SPATA7: variants seen among roughly 807,000 people sequenced by gnomAD.
SPATA7 encodes the protein spermatogenesis-associated protein 7.
Under a neutral mutation model 51.8 loss-of-function variants are expected in SPATA7, and 43 were observed. The observed-to-expected ratio is 0.83, with a 90% confidence interval of 0.65 to 1.07. SPATA7 has a LOEUF of 1.07. Among genes scored for constraint, SPATA7 ranks in the 50% least tolerant of loss-of-function variants. The pLI is 0.00. For synonymous variants in SPATA7, 230 were observed against 252.8 expected (o/e 0.91, Z 0.86); for missense variants, 683 against 701.3 (o/e 0.97, Z 0.30).
At chr14:88,431,756 G>A (rs28712069) in intron 9 of SPATA7, among the ~76,000 whole-genome samples, 15,724 of 152,088 alleles carry the variant, frequency 0.1, 1,033 homozygotes, top group African/African-American at 0.18. Context: ...ATCCATCCAT[G>A]TTCCATCCAT....
rs541307990 is a variant in SPATA7 at position 88,422,911 on chromosome 14, T to C, written c.373-3321T>C. Among the ~76,000 whole-genome samples the C allele has an allele frequency of 2.0e-5, 3 of 152,302 alleles. No homozygotes were observed. In the East Asian group the frequency reaches 5.8e-4, roughly 29 times the overall value. ...GGTTAACAGACACCTGTTATGGTTA[T>C]AATTTGTATTCACTGTAAAGGCTGC... On this transcript the variant is annotated intron_variant, in intron 5 of 11. Transcript: ENST00000393545.
chr14:88,396,493 T>C (rs1051961623), intron 4 of SPATA7, among the ~76,000 whole-genome samples: 5 of 152,196 alleles, frequency 3.3e-5, no homozygotes, highest in African/African-American at 1.2e-4. Context: ...TCTATGAATC[T>C]ATTTTAGGTA....
chr14:88,402,278 C>A lies in SPATA7; in HGVS notation c.238+6075C>A, dbSNP rs905894182. On this transcript the variant is annotated intron_variant, in intron 4 of 11. Transcript: ENST00000393545. ...ATAGAAATCCCAAAGACATTCTTTACAGAAATAGAACAAACAATCGTAAAA... is the reference window on the plus strand; with the variant it reads ...ATAGAAATCCCAAAGACATTCTTTAAAGAAATAGAACAAACAATCGTAAAA... Among the ~76,000 whole-genome samples the A allele has an allele frequency of 2.6e-5, 4 of 152,068 alleles. No homozygotes were observed. The South Asian group carries it at 8.3e-4, about 31-fold the overall frequency.
At chr14:88,422,184 A>G (rs1366641932) in intron 5 of SPATA7, among the ~76,000 whole-genome samples, 2 of 152,146 alleles carry the variant, frequency 1.3e-5, no homozygotes, top group Non-Finnish European at 2.9e-5. Context: ...TGGAACATCT[A>G]GTATATTTAG....
intron 4 of SPATA7, among the ~76,000 whole-genome samples, chr14:88,401,309 T>C (rs1307372454): frequency 6.6e-6 from 1 of 152,166 alleles, no homozygotes; most frequent in African/African-American, 2.4e-5. Flanking sequence ...CCATTCATGA[T>C]AAACTCTCTC....
chr14:88,446,926 G>A (rs2077217667), intron 3 of SPATA7, among the ~76,000 whole-genome samples: 1 of 152,126 alleles, frequency 6.6e-6, no homozygotes, highest in Non-Finnish European at 1.5e-5. Context: ...TTTTGGAATA[G>A]GTGTGGTGTG....
intron 10 of SPATA7, among the ~76,000 whole-genome samples, chr14:88,434,477 G>A (rs574284107): frequency 1.5e-4 from 23 of 152,212 alleles, no homozygotes; most frequent in Non-Finnish European, 2.4e-4. Context: ...ACAAGGTCAG[G>A]AGTTCAACAC....
At chr14:88,451,998 G>A (rs2140050222) in intron 3 of SPATA7, among the ~76,000 whole-genome samples, 1 of 152,236 alleles carries the variant, frequency 6.6e-6, no homozygotes, top group South Asian at 2.1e-4. Context: ...AAAGAACCTT[G>A]TTTTGTCATA....
At chr14:88,436,147 A>G (rs1261362792) in intron 10 of SPATA7, among the ~76,000 whole-genome samples, 1 of 152,148 alleles carries the variant, frequency 6.6e-6, no homozygotes, top group African/African-American at 2.4e-5. Flanking sequence ...TTTGATTTGC[A>G]TTCCTCTGAT....
Position 88,438,333 on chromosome 14 carries a change from AG to A in SPATA7, c.1712del (p.Ser571MetfsTer20). On this transcript the variant is annotated frameshift_variant, in exon 12 of 12. Transcript: ENST00000393545. LOFTEE classifies it low-confidence loss of function (END_TRUNC). ...ACCCTCCCAATCTGTTCAGTTCTCC[AG>A]TGTCAAAGGCGACAATAATCATGAC... ...TSPSQSVQFS[S>X]VKGDNNHDME... 1 of 1,614,072 alleles carries A rather than the reference AG, an allele frequency of 6.2e-7. No homozygotes were observed. The highest frequency in any genetic ancestry group is 8.5e-7 in the Non-Finnish European group (1 of 1,179,976).
chr14:88,440,265 C>T (rs56037484), downstream of SPATA7, among the ~76,000 whole-genome samples: 3,949 of 152,164 alleles, frequency 0.026, 177 homozygotes, highest in African/African-American at 0.09. Flanking sequence ...TGGTCCAAGC[C>T]CCAGACCTGC....
In SPATA7 at chr14:88,415,379, C is replaced by G. The variant is rs374312804; in HGVS notation, c.239-1332C>G. The G allele has an allele frequency of 2.3e-5, 4 of 171,766 alleles. No homozygotes were observed. The South Asian group carries it at 3.8e-4, about 16-fold the overall frequency. 10.6% of individuals were successfully genotyped at this position (171,766 alleles called of 1,614,324 possible). On this transcript the variant is annotated intron_variant, in intron 4 of 11. Coordinates refer to ENST00000393545, the MANE Select transcript of SPATA7 (RefSeq NM_018418.5). The stretch of plus-strand genomic sequence containing the variant: ...TACAAGAATAGCAACCCCTGCTCTT[C>G]TATTTACTGTTTGCATGATAGGTCT...
At chr14:88,449,999 T>G (rs1046881552) in intron 3 of SPATA7, among the ~76,000 whole-genome samples, 3 of 152,182 alleles carry the variant, frequency 2.0e-5, no homozygotes, top group Non-Finnish European at 2.9e-5. Flanking sequence ...TCAATCTTGC[T>G]GCTTGTTATT....
intron 4 of SPATA7, among the ~76,000 whole-genome samples, chr14:88,398,273 T>C (rs1391297779): frequency 6.6e-6 from 1 of 151,532 alleles, no homozygotes; most frequent in Non-Finnish European, 1.5e-5. Context: ...ATGTGGCACA[T>C]ATACACCATG....
At chr14:88,418,335 C>T (rs954803629) in intron 5 of SPATA7, among the ~76,000 whole-genome samples, 1 of 141,974 alleles carries the variant, frequency 7.0e-6, no homozygotes, top group African/African-American at 3.1e-5. Context: ...CTCTGCCTTA[C>T]TTCTTTGCTA....
intron 4 of SPATA7, among the ~76,000 whole-genome samples, chr14:88,413,157 T>C (rs1223352480): frequency 6.6e-6 from 1 of 152,214 alleles, no homozygotes; most frequent in Non-Finnish European, 1.5e-5. Context: ...GACATTTTAA[T>C]GATATTGACT....
At chr14:88,400,227 G>A (rs60355412) in intron 4 of SPATA7, among the ~76,000 whole-genome samples, 5,373 of 152,228 alleles carry the variant, frequency 0.035, 311 homozygotes, top group African/African-American at 0.12. Context: ...TCTTGAACAA[G>A]TATTGAGTCA....
At chr14:88,420,195 C>T (rs563129611) in intron 5 of SPATA7, among the ~76,000 whole-genome samples, 19 of 152,254 alleles carry the variant, frequency 1.2e-4, no homozygotes, top group South Asian at 8.3e-4. Flanking sequence ...CTATAAGCTT[C>T]GAGTAGGTTT....
At chr14:88,419,480 GT>G in intron 5 of SPATA7, among the ~76,000 whole-genome samples, 1 of 134,874 alleles carries the variant, frequency 7.4e-6, no homozygotes, top group Admixed American at 7.3e-5. Context: ...CAATCTCAAT[GT>G]TTTAGGTTAG....
Sources: allele counts gnomAD v4.1 joint callset (sites outside exome capture counted in the v4.1 genomes callset), GRCh38; gene constraint gnomAD v4.1.1; transcripts MANE v1.5; gene names NCBI Gene and HGNC (gene_info 2026-07-23, HGNC 2026-07-21).